SH3BP2: variants seen among roughly 807,000 people sequenced by gnomAD.
SH3BP2 encodes SH3 domain binding protein 2, also known as SH3 domain-binding protein 2.
A neutral mutation model predicts 56.2 loss-of-function variants in SH3BP2; 38 were observed. The observed-to-expected ratio is 0.68, with a 90% confidence interval of 0.52 to 0.89. The LOEUF (loss-of-function observed/expected upper bound fraction) is 0.89. Ranked by LOEUF, SH3BP2 falls within the 40% of genes least tolerant of loss-of-function variation. SH3BP2 has a pLI of 0.00. For missense variants in SH3BP2, 748 were observed against 762.6 expected (o/e 0.98, Z 0.23); for synonymous variants, 346 against 316.7 (o/e 1.09, Z -0.98).
rs1436683002 is a variant in SH3BP2 at position 2,830,002 on chromosome 4, G to A, written c.1096G>A (p.Asp366Asn). The A allele has an allele frequency of 1.2e-6, 2 of 1,613,068 alleles. No homozygotes were observed. Among genetic ancestry groups the A allele is most frequent in the Admixed American group, 3.3e-5 (2 of 60,034 alleles). The change falls in exon 8 of 13, where the codon GAC becomes AAC. Residue 366 changes from aspartate to asparagine, a missense_variant. Around this residue, in one of 3 missense-constraint regions of SH3BP2, gnomAD observed 635 missense variants for 615.0 expected, o/e 1.03. Coordinates refer to ENST00000503393, the MANE Select transcript of SH3BP2 (RefSeq NM_001122681.2). ...CAAGTTCCTGAAGATAGCTGAAGAG[G>A]ACCCCCCAAGGGAGGCAGCCATGCC... The part of the protein sequence containing the change: ...KPKFLKIAEE[D>N]PPREAAMPGL...
rs1725235880 is a variant in SH3BP2, at chr4:2,836,441, G to C, written c.*2607G>C. 1 of 152,256 alleles carries C rather than the reference G, an allele frequency of 6.6e-6. No homozygotes were observed. Among genetic ancestry groups the C allele is most frequent in the South Asian group, 2.1e-4 (1 of 4,830 alleles). 9.4% of individuals were successfully genotyped at this position (152,256 alleles called of 1,614,324 possible). A position where few individuals can be genotyped will look rare whatever the true frequency, so the allele number is the denominator to read the frequency against. ...GCTGGGTGCTTGACATCATTTGCTT[G>C]GAGAAGCAGCTGCTAGTAGACCCAT... On this transcript the variant is annotated 3_prime_UTR_variant, in exon 13 of 13. Coordinates refer to ENST00000503393, the MANE Select transcript of SH3BP2 (RefSeq NM_001122681.2).
chr4:2,808,368 G>A (rs1723619447), intron 1 of SH3BP2, among the ~76,000 whole-genome samples: 1 of 152,228 alleles, frequency 6.6e-6, no homozygotes, highest in Non-Finnish European at 1.5e-5. Context: ...AATCCAGGAT[G>A]TGCTGCTTAA....
Position 2,822,159 on chromosome 4 carries a change from C to T in SH3BP2, c.137-776C>T, listed in dbSNP as rs552148295. Among the ~76,000 whole-genome samples, 6 of 152,272 alleles carry T rather than the reference C, an allele frequency of 3.9e-5. No homozygotes were observed. The South Asian group carries it at 1.2e-3, about 32-fold the overall frequency. On this transcript the variant is annotated intron_variant, in intron 2 of 12. Transcript: ENST00000503393. ...GGATTACAGGCATGAGCCACCGCGC[C>T]TGGCCTATTTATTATTTTTATGTCT...
chr4:2,806,113 G>T (rs1723524147), intron 1 of SH3BP2, among the ~76,000 whole-genome samples: 1 of 152,228 alleles, frequency 6.6e-6, no homozygotes, highest in Non-Finnish European at 1.5e-5. Flanking sequence ...AGGAGGAGGG[G>T]ATTGAGCCAG....
At position 2,831,923 on chromosome 4, in the gene SH3BP2, G is replaced by A; in HGVS notation, c.1351G>A (p.Val451Met). The A allele has an allele frequency of 6.2e-7, 1 of 1,612,784 alleles. No individual in the cohort carries two copies. The change falls in exon 10 of 13, where the codon GTG becomes ATG. Residue 451 changes from valine (V) to methionine (M), a missense_variant and splice_region_variant. Val to Met is a conservative substitution (Grantham distance 21, BLOSUM62 1). Coordinates refer to ENST00000503393, the MANE Select transcript of SH3BP2 (RefSeq NM_001122681.2). The surrounding 1 kb of genome is among the most constrained non-coding windows in gnomAD (Gnocchi z 4.1). ...GDDSDEDYEK[V>M]PLPNSVFVNT... ...CACTGACACCGTCAGCCTCTTGCAG[G>A]TGCCACTGCCCAACTCGGTCTTCGT... is the stretch of plus-strand genomic sequence containing the variant.
At chr4:2,822,809 C>A in intron 2 of SH3BP2, 126 bp from the exon 3 acceptor site, 3 of 747,280 alleles carry the variant, frequency 4.0e-6, no homozygotes. Context: ...TTGCTCCCTG[C>A]TCTTCCATTT....
intron 12 of SH3BP2, 32 bp downstream of exon 12, chr4:2,833,081 G>A (rs374523101): frequency 5.7e-5 from 91 of 1,603,278 alleles, no homozygotes; most frequent in Non-Finnish European, 7.2e-5. Flanking sequence ...CGGGGACCCT[G>A]GCCGCATGGC....
At chr4:2,816,480 T>C (rs1437679363) in intron 1 of SH3BP2, among the ~76,000 whole-genome samples, 1 of 152,284 alleles carries the variant, frequency 6.6e-6, no homozygotes, top group Non-Finnish European at 1.5e-5. Context: ...GAATCTCCAG[T>C]ACTATGCTGA....
intron 1 of SH3BP2, among the ~76,000 whole-genome samples, chr4:2,804,803 C>A (rs1723463727): frequency 6.6e-6 from 1 of 152,236 alleles, no homozygotes; most frequent in African/African-American, 2.4e-5. Flanking sequence ...TTTCAGGGCA[C>A]CCTCAGGTTG....
intron 1 of SH3BP2, chr4:2,809,849 C>T: frequency 2.0e-6 from 2 of 984,100 alleles, no homozygotes; most frequent in African/African-American, 3.5e-5. Context: ...CTGTGTCTGG[C>T]ATGGTGGGAA....
rs965834673 is a variant in SH3BP2 at position 2,810,829 on chromosome 4, C to T, written c.-4-9785C>T. 6.6e-6 allele frequency among the ~76,000 whole-genome samples: 1 copy of T among 152,200 alleles called. No individual in the cohort carries two copies. Among genetic ancestry groups the T allele is most frequent in the South Asian group, 2.1e-4 (1 of 4,830 alleles). On this transcript the variant is annotated intron_variant, in intron 1 of 12. Coordinates refer to ENST00000503393, the MANE Select transcript of SH3BP2 (RefSeq NM_001122681.2). The surrounding 1 kb of genome is among the most constrained non-coding windows in gnomAD (Gnocchi z 4.2). ...TCATCGTCCAGGCTGGGCAGTGGCC[C>T]AGGGGTTCCTCACCTGCTGTTTGAT...
At chr4:2,807,537 G>A (rs1723581628) in intron 1 of SH3BP2, among the ~76,000 whole-genome samples, 1 of 152,176 alleles carries the variant, frequency 6.6e-6, no homozygotes, top group Non-Finnish European at 1.5e-5. Context: ...CAGAGAAGAG[G>A]GCAAGGTTCT....
intron 1 of SH3BP2, chr4:2,794,258 T>C (rs1200186137): frequency 6.6e-6 from 1 of 152,292 alleles, no homozygotes; most frequent in Non-Finnish European, 1.5e-5. Context: ...AGCCTCTGGG[T>C]TCAGGTCAGC....
intron 12 of SH3BP2, 133 bp from the exon 13 acceptor site, chr4:2,833,564 C>A (rs1460913136): frequency 3.3e-6 from 4 of 1,204,836 alleles, no homozygotes; most frequent in African/African-American, 3.0e-5. Context: ...TTGGGGGCAC[C>A]ACCGACAGCC....
Position 2,840,391 on chromosome 4 carries a change from G to T in SH3BP2, c.*6557G>T, listed in dbSNP as rs1173478656. The T allele has an allele frequency of 6.6e-6, 1 of 152,010 alleles. No individual in the cohort carries two copies. Among genetic ancestry groups the T allele is most frequent in the Non-Finnish European group, 1.5e-5 (1 of 68,014 alleles). 9.4% of individuals were successfully genotyped at this position (152,010 alleles called of 1,614,324 possible). ...TTTGGTTTTTTGCATATGGTGTGAG[G>T]TAAGGATTCACTTTCATTTTTTTCT... is the stretch of plus-strand genomic sequence containing the variant. On this transcript the variant is annotated 3_prime_UTR_variant, in exon 13 of 13. Coordinates refer to ENST00000503393, the MANE Select transcript of SH3BP2 (RefSeq NM_001122681.2).
In SH3BP2 at chr4:2,827,644, C is replaced by A. The variant is rs866350692; in HGVS notation, c.556C>A (p.Pro186Thr). 1 of 1,597,400 alleles carries A rather than the reference C, an allele frequency of 6.3e-7. No individual in the cohort carries two copies. The highest frequency in any genetic ancestry group is 2.3e-5 in the East Asian group (1 of 44,148). ...CGATGAGGATGACTCCTACCTGGAG[C>A]CTGACTCCCCGGAGCCCGGAAGGCT... ...HDDEDDSYLE[P>T]DSPEPGRLED... The change falls in exon 7 of 13, where the codon CCT (proline) becomes ACT (threonine). Residue 186 changes from proline to threonine, a missense_variant. Pro to Thr is a conservative substitution (Grantham distance 38, BLOSUM62 -1). Transcript: ENST00000503393.
intron 1 of SH3BP2, chr4:2,812,010 G>A: frequency 2.6e-6 from 1 of 385,060 alleles, no homozygotes; most frequent in Non-Finnish European, 4.7e-6. Flanking sequence ...GTATTCAGAG[G>A]TGGCCCTGCG....
At chr4:2,826,560 G>T (rs1724650800) in intron 5 of SH3BP2, 1 of 291,532 alleles carries the variant, frequency 3.4e-6, no homozygotes, top group South Asian at 2.8e-5. Context: ...GTGTGTGCAT[G>T]TCTGCATGTT....
chr4:2,825,207 G>A lies in SH3BP2; in HGVS notation c.428+11G>A, dbSNP rs1295900234. The A allele has an allele frequency of 6.4e-7, 1 of 1,570,746 alleles. No homozygotes were observed. Among genetic ancestry groups the A allele is most frequent in the Non-Finnish European group, 8.6e-7 (1 of 1,157,364 alleles). Reference sequence around the variant, plus strand: ...GCCCTTGGACACCAGGTGAGCCCGGGCCCAGGGCATACCGGGCAGTGAGGG... The same window carrying A: ...GCCCTTGGACACCAGGTGAGCCCGGACCCAGGGCATACCGGGCAGTGAGGG... On this transcript the variant is annotated intron_variant, in intron 5 of 12. Coordinates refer to ENST00000503393, the MANE Select transcript of SH3BP2 (RefSeq NM_001122681.2).
Sources: gnomAD v4.1 joint callset for allele counts (sites outside exome capture counted in the v4.1 genomes callset) on GRCh38, gnomAD v4.1.1 for gene constraint, gnomAD v4.1.1 regional missense constraint, Gnocchi (gnomAD v3.1) non-coding constraint, MANE v1.5 for transcripts, NCBI Gene and HGNC (gene_info 2026-07-23, HGNC 2026-07-21) for gene names.